The following CACNA1H variants were observed in gnomAD, a reference collection of about 807,000 sequenced individuals.
The protein encoded by CACNA1H is calcium voltage-gated channel subunit alpha1 H.
A neutral mutation model predicts 192.5 loss-of-function variants in CACNA1H; 149 were observed. That is an observed-to-expected ratio of 0.77 (90% CI 0.68 to 0.89). The LOEUF (loss-of-function observed/expected upper bound fraction) is 0.89. Ranked by LOEUF, CACNA1H falls within the 40% of genes least tolerant of loss-of-function variation. The pLI, the probability that CACNA1H is intolerant of heterozygous loss-of-function variation, is 0.00. For missense variants in CACNA1H, 4,257 were observed against 3,423.5 expected (o/e 1.24, Z -6.08); for synonymous variants, 2,202 against 1,475.2 (o/e 1.49, Z -11.29).
At chr16:1,193,663 C>T (rs145534062) in intron 2 of CACNA1H, among the ~76,000 whole-genome samples, 1,644 of 152,320 alleles carry the variant, frequency 0.011, 13 homozygotes, top group Non-Finnish European at 0.017. Flanking sequence ...CGCCTGTTAC[C>T]GCTGAACCCA....
At chr16:1,214,555 C>T (rs1330782394) in intron 27 of CACNA1H, among the ~76,000 whole-genome samples, 2 of 152,160 alleles carry the variant, frequency 1.3e-5, no homozygotes, top group African/African-American at 4.8e-5. Flanking sequence ...TGCATACCGT[C>T]GGTGCTCAGA....
At position 1,188,342 on chromosome 16, in the gene CACNA1H, C is replaced by G. The variant is rs1397458300; in HGVS notation, c.300-6630C>G. The stretch of plus-strand genomic sequence containing the variant: ...GCTTCTGAGGAACCCCTGTCCCTAC[C>G]CAGGACCCTGGAGACCGCTGGCTCT... On this transcript the variant is annotated intron_variant, in intron 2 of 34. Coordinates refer to ENST00000348261, the MANE Select transcript of CACNA1H (RefSeq NM_021098.3). Among the ~76,000 whole-genome samples, 3 of 152,228 alleles carry G rather than the reference C, an allele frequency of 2.0e-5. No homozygotes were observed. The East Asian group carries it at 5.8e-4, about 29-fold the overall frequency.
chr16:1,202,486 G>C, intron 9 of CACNA1H, 34 bp downstream of exon 9: 1 of 1,454,818 alleles, frequency 6.9e-7, no homozygotes, highest in South Asian at 1.4e-5. Flanking sequence ...GGAGGAGGCG[G>C]TGGGACCTAG....
At chr16:1,191,565 GCAGGC>G (rs1966621869) in intron 2 of CACNA1H, among the ~76,000 whole-genome samples, 2 of 14,680 alleles carry the variant, frequency 1.4e-4, no homozygotes, top group African/African-American at 4.5e-4. Context: ...CTCTGACCCA[GCAGGC>G]TGGCCTGGCT....
At chr16:1,156,026 T>G (rs2151619358) in intron 2 of CACNA1H, among the ~76,000 whole-genome samples, 1 of 152,170 alleles carries the variant, frequency 6.6e-6, no homozygotes, top group East Asian at 1.9e-4. Flanking sequence ...GAACAGAGCA[T>G]GCCCCATCCC....
intron 9 of CACNA1H, among the ~76,000 whole-genome samples, chr16:1,203,644 C>T (rs1235826484): frequency 6.6e-6 from 1 of 152,206 alleles, no homozygotes; most frequent in African/African-American, 2.4e-5. Flanking sequence ...GTTGCTTCCT[C>T]TGGAGGCTCT....
intron 3 of CACNA1H, 124 bp from the exon 4 acceptor site, chr16:1,195,308 G>T: frequency 6.0e-6 from 8 of 1,322,402 alleles, no homozygotes; most frequent in Middle Eastern, 5.2e-4. Context: ...TGGGGCTCAG[G>T]GCGGGGCAGG....
intron 31 of CACNA1H, among the ~76,000 whole-genome samples, chr16:1,217,218 G>T (rs1228452562): frequency 2.6e-5 from 4 of 152,254 alleles, no homozygotes; most frequent in African/African-American, 9.6e-5. Context: ...CATGTGCCCA[G>T]GCTTGTGACA....
At chr16:1,186,756 C>T (rs867861411) in intron 2 of CACNA1H, among the ~76,000 whole-genome samples, 34 of 152,182 alleles carry the variant, frequency 2.2e-4, no homozygotes, top group Non-Finnish European at 4.3e-4. Flanking sequence ...GTGAATGTGC[C>T]ACGGCAGTGG....
Position 1,207,322 on chromosome 16 carries a change from C to T in CACNA1H, c.2955C>T (p.Ala985=), listed in dbSNP as rs997608038. Residue 985 remains alanine (A), a synonymous_variant, in exon 14 of 35, where the codon GCC becomes GCT. Coordinates refer to ENST00000348261, the MANE Select transcript of CACNA1H (RefSeq NM_021098.3). ...ACGTGGTCCTGTACAACGGCATGGC[C>T]TCCACCTCCTCCTGGGCCGCCCTCT... is the stretch of plus-strand genomic sequence containing the variant. ...DWNVVLYNGM[A]STSSWAALYF... 5 of 1,610,982 alleles carry T rather than the reference C, an allele frequency of 3.1e-6. No individual in the cohort carries two copies. Among genetic ancestry groups the T allele is most frequent in the Admixed American group, 3.4e-5 (2 of 59,686 alleles).
At chr16:1,205,302 G>A in intron 11 of CACNA1H, 37 bp downstream of exon 11, 2 of 1,571,602 alleles carry the variant, frequency 1.3e-6, no homozygotes, top group Admixed American at 1.7e-5. Context: ...GAGGGGCCCG[G>A]GAAGCTCCAC....
At chr16:1,203,869 C>T (rs1450644554) in intron 9 of CACNA1H, 141 bp from the exon 10 acceptor site, 1 of 619,854 alleles carries the variant, frequency 1.6e-6, no homozygotes, top group Non-Finnish European at 2.8e-6. Flanking sequence ...GAAGTCCAGT[C>T]ACAGGTTCTG....
chr16:1,212,035 C>T lies in CACNA1H; in HGVS notation c.4656C>T (p.Gly1552=), dbSNP rs1427676254. ...VSFFVLNMFV[G]VVVENFHKCR... is the part of the protein sequence containing the mutation. ...TCTTCGTGCTCAACATGTTCGTGGG[C>T]GTCGTGGTCGAGAACTTCCACAAGT... The change falls in exon 25 of 35, where the codon GGC becomes GGT. Residue 1552 remains glycine (G), a synonymous_variant. Transcript: ENST00000348261. The T allele has an allele frequency of 6.8e-6, 11 of 1,613,376 alleles. No homozygotes were observed. Among genetic ancestry groups the T allele is most frequent in the South Asian group, 2.2e-5 (2 of 91,078 alleles).
At chr16:1,195,763 A>G (rs952582946) in intron 4 of CACNA1H, among the ~76,000 whole-genome samples, 163 bp from the exon 5 acceptor site, 2 of 152,126 alleles carry the variant, frequency 1.3e-5, no homozygotes, top group Admixed American at 6.5e-5. Context: ...GATGTGACCA[A>G]GCGTTGTGCT....
At chr16:1,208,390 G>A (rs1260988593) in intron 16 of CACNA1H, among the ~76,000 whole-genome samples, 169 bp downstream of exon 16, 2 of 152,154 alleles carry the variant, frequency 1.3e-5, no homozygotes, top group African/African-American at 4.8e-5. Context: ...TGGAAGCTGT[G>A]GCTGCTGTTG....
Position 1,199,041 on chromosome 16 carries a change from C to T in CACNA1H, c.803+267C>T, listed in dbSNP as rs1456144441. 8 of 409,134 alleles carry T rather than the reference C, an allele frequency of 2.0e-5. 1 individual carries two copies. Among genetic ancestry groups the T allele is most frequent in the Non-Finnish European group, 3.1e-5 (7 of 223,886 alleles). The allele number at this position is 409,134 out of a possible 1,614,324, so 25.3% of individuals were successfully genotyped here. On this transcript the variant is annotated intron_variant, in intron 6 of 34. Transcript: ENST00000348261. ...ACATATGCCCCACCCCCCACCATGG[C>T]TCCGCCCACCGCGCAGTCGCTGCAC...
rs964637017 is a variant in CACNA1H, at chr16:1,172,590, G to A, written c.299+18554G>A. 3.3e-5 allele frequency among the ~76,000 whole-genome samples: 5 copies of A among 152,316 alleles called. No individual in the cohort carries two copies. In the East Asian group the frequency reaches 9.7e-4, roughly 29 times the overall value. On this transcript the variant is annotated intron_variant, in intron 2 of 34. Coordinates refer to ENST00000348261, the MANE Select transcript of CACNA1H (RefSeq NM_021098.3). The stretch of plus-strand genomic sequence containing the variant: ...TGGGTAGTCTGCACTCCACACCGCT[G>A]GATCCTAGCAGGAGCTCCCGGCTTC...
intron 2 of CACNA1H, among the ~76,000 whole-genome samples, chr16:1,155,895 G>A (rs539491481): frequency 2.5e-4 from 38 of 152,276 alleles, no homozygotes; most frequent in African/African-American, 8.4e-4. Flanking sequence ...GCTGTCCCCC[G>A]GTGTCCTGAG....
intron 26 of CACNA1H, among the ~76,000 whole-genome samples, chr16:1,213,384 AG>A (rs978475089): frequency 1.3e-5 from 2 of 152,046 alleles, no homozygotes; most frequent in African/African-American, 2.4e-5. Flanking sequence ...TGGGAGCTCC[AG>A]GGGGGCGGGC....
Sources: allele counts gnomAD v4.1 joint callset (sites outside exome capture counted in the v4.1 genomes callset), GRCh38; gene constraint gnomAD v4.1.1; transcripts MANE v1.5; gene names NCBI Gene and HGNC (gene_info 2026-07-23, HGNC 2026-07-21).